CD99L2: variants seen among roughly 807,000 people sequenced by gnomAD.
CD99L2 encodes the protein CD99 molecule like 2.
A neutral mutation model predicts 27.3 loss-of-function variants in CD99L2; 24 were observed. The ratio of observed to expected loss-of-function variants is 0.88; its 90% CI spans 0.64 to 1.24. The LOEUF is 1.24. CD99L2 is among the 50% of genes most tolerant of loss of function. The probability of loss-of-function intolerance (pLI) is 0.00; values close to 1 mark genes in which losing one functional copy is unlikely to be tolerated. For missense variants in CD99L2, 255 were observed against 221.6 expected, an observed-to-expected ratio of 1.15 and a Z score of -0.96; for synonymous variants, 97 against 87.9, an observed-to-expected ratio of 1.10 and a Z score of -0.58.
intron 9 of CD99L2, among the ~76,000 whole-genome samples, chrX:150,770,779 G>A (rs1462012634): frequency 8.9e-6 from 1 of 112,533 alleles, no homozygotes; most frequent in Non-Finnish European, 1.9e-5. Context: ...GATGGATGCA[G>A]GGCAGGGAGG....
intron 4 of CD99L2, among the ~76,000 whole-genome samples, chrX:150,809,516 G>C (rs781999401): frequency 8.9e-6 from 1 of 112,398 alleles, no homozygotes; most frequent in Non-Finnish European, 1.9e-5. Context: ...TCAACCATGA[G>C]ACTGGTGGTG....
chrX:150,769,145 G>A (rs114883974), intron 10 of CD99L2, 44 bp from the exon 11 acceptor site: 37,746 of 1,134,429 alleles, frequency 0.033, 507 homozygotes, highest in Non-Finnish European at 0.038. Flanking sequence ...GCTCTGTCTT[G>A]CACAGAAGAA....
intron 9 of CD99L2, among the ~76,000 whole-genome samples, chrX:150,772,750 C>T: frequency 9.0e-6 from 1 of 111,710 alleles, no homozygotes; most frequent in Admixed American, 9.4e-5. Flanking sequence ...GGAGGTGTGG[C>T]TCAAGAGGAG....
intron 4 of CD99L2, among the ~76,000 whole-genome samples, chrX:150,810,111 G>A (rs1395946570): frequency 9.0e-5 from 10 of 111,679 alleles, no homozygotes; most frequent in Non-Finnish European, 1.5e-4. Context: ...TATCGAAATC[G>A]AAGTGACATA....
In CD99L2 at chrX:150,794,158, T is replaced by C. The variant is rs782218940; in HGVS notation, c.431-402A>G. Reference sequence around the variant, plus strand: ...TTCAGGCCTTCTCTGAGCTCAGACATGAGAAGCAACAGAGTCGGTCGGTCT... The same window carrying C: ...TTCAGGCCTTCTCTGAGCTCAGACACGAGAAGCAACAGAGTCGGTCGGTCT... On this transcript the variant is annotated intron_variant, in intron 6 of 10. Transcript: ENST00000370377. 9.8e-5 allele frequency among the ~76,000 whole-genome samples: 11 copies of C among 111,977 alleles called. No homozygotes were observed. The East Asian group carries it at 2.2e-3, about 23-fold the overall frequency.
At chrX:150,824,079 GGAA>G (rs1203379122) in intron 2 of CD99L2, among the ~76,000 whole-genome samples, 4 of 83,232 alleles carry the variant, frequency 4.8e-5, no homozygotes, top group Admixed American at 1.4e-4. Flanking sequence ...AGGAGGAAGA[GGAA>G]GAAGAAGAAA....
At chrX:150,803,477 A>T (rs2045950250) in intron 4 of CD99L2, among the ~76,000 whole-genome samples, 1 of 112,049 alleles carries the variant, frequency 8.9e-6, no homozygotes, top group South Asian at 3.7e-4. Flanking sequence ...GAAGAACCTT[A>T]AAAGAACTTG....
intron 7 of CD99L2, among the ~76,000 whole-genome samples, chrX:150,789,769 C>T (rs2045658408): frequency 9.0e-6 from 1 of 111,684 alleles, no homozygotes; most frequent in Non-Finnish European, 1.9e-5. Flanking sequence ...TCTATGGTCC[C>T]AGATACTCAG....
At chrX:150,889,704 A>G (rs782684770) in intron 1 of CD99L2, among the ~76,000 whole-genome samples, 6 of 112,554 alleles carry the variant, frequency 5.3e-5, no homozygotes, top group Non-Finnish European at 1.1e-4. Context: ...CAACTACAGC[A>G]GTTTTCAAAG....
At position 150,802,700 on chromosome X, in the gene CD99L2, G is replaced by C. The variant is rs1382642341; in HGVS notation, c.278-7214C>G. ...AGGTTCACGCCATTCTCCTGCCTCAGCCTCCTGAGTCGCTGGGACTACAGG... is the reference window on the plus strand; with the variant it reads ...AGGTTCACGCCATTCTCCTGCCTCACCCTCCTGAGTCGCTGGGACTACAGG... On this transcript the variant is annotated intron_variant, in intron 4 of 10. Transcript: ENST00000370377. Among the ~76,000 whole-genome samples, 3 of 100,626 alleles carry C rather than the reference G, an allele frequency of 3.0e-5. No homozygotes were observed. The Admixed American group carries it at 3.2e-4, about 11-fold the overall frequency. The allele number at this position is 100,626 out of a possible 115,157, so 87.4% of individuals were successfully genotyped here.
intron 6 of CD99L2, among the ~76,000 whole-genome samples, chrX:150,794,458 G>C (rs1557419829): frequency 1.8e-5 from 2 of 112,212 alleles, no homozygotes; most frequent in East Asian, 5.6e-4. Flanking sequence ...TTAACTCAGA[G>C]TTTCTGATTT....
In CD99L2 at chrX:150,832,059, G is replaced by A. The variant is rs1459887187; in HGVS notation, c.68-766C>T. On this transcript the variant is annotated intron_variant, in intron 1 of 10. Transcript: ENST00000370377. ...CACTTTAGACCAAATGAACCTAACA[G>A]ATATTTACAGAACATTCCAACCAAC... is the stretch of plus-strand genomic sequence containing the variant. 2.7e-5 allele frequency among the ~76,000 whole-genome samples: 3 copies of A among 112,136 alleles called. No homozygotes were observed. The Admixed American group carries it at 2.8e-4, about 11-fold the overall frequency.
chrX:150,792,130 C>T (rs782445379), intron 7 of CD99L2, among the ~76,000 whole-genome samples: 44 of 111,389 alleles, frequency 4.0e-4, no homozygotes, highest in African/African-American at 1.4e-3. Flanking sequence ...CCACGACCCC[C>T]TTTATCTTCT....
intron 1 of CD99L2, among the ~76,000 whole-genome samples, chrX:150,856,395 T>G (rs782331031): frequency 8.9e-6 from 1 of 111,914 alleles, no homozygotes; most frequent in Non-Finnish European, 1.9e-5. Flanking sequence ...ACATGCCGAC[T>G]GGGCACTCAG....
At chrX:150,769,868 AG>A (rs1163819363) in intron 10 of CD99L2, among the ~76,000 whole-genome samples, 1 of 112,824 alleles carries the variant, frequency 8.9e-6, no homozygotes, top group Admixed American at 9.3e-5. Flanking sequence ...CAGAAGGGGG[AG>A]GGAGGGGCAC....
At chrX:150,778,159 CAG>C (rs1306192291) in intron 7 of CD99L2, among the ~76,000 whole-genome samples, 2 of 110,242 alleles carry the variant, frequency 1.8e-5, no homozygotes, top group South Asian at 3.9e-4. Flanking sequence ...GATAGTACTG[CAG>C]AGAGTTAAAT....
At chrX:150,898,401 G>T in intron 1 of CD99L2, 121 bp downstream of exon 1, 1 of 506,797 alleles carries the variant, frequency 2.0e-6, no homozygotes, top group Non-Finnish European at 2.7e-6. Context: ...CAGCCGGGCC[G>T]GCCGGTGGCA....
At chrX:150,806,909 C>T (rs1297848637) in intron 4 of CD99L2, among the ~76,000 whole-genome samples, 1 of 110,594 alleles carries the variant, frequency 9.0e-6, no homozygotes, top group Non-Finnish European at 1.9e-5. Flanking sequence ...AAAATGACAC[C>T]GGATAAGAAC....
rs782650865 is a variant in CD99L2 at position 150,790,175 on chromosome X, C to T, written c.496+3516G>A. Among the ~76,000 whole-genome samples the T allele has an allele frequency of 2.0e-3, 225 of 109,930 alleles. 1 individual carries two copies. Among genetic ancestry groups the T allele is most frequent in the African/African-American group, 6.8e-3 (206 of 30,228 alleles). The stretch of plus-strand genomic sequence containing the variant: ...AGAGAAGTAAACAAATCAGTGGTTG[C>T]GCTAATAGAAACTAGACTAGGGTTG... On this transcript the variant is annotated intron_variant, in intron 7 of 10. Coordinates refer to ENST00000370377, the MANE Select transcript of CD99L2 (RefSeq NM_031462.4).
Sources: allele counts gnomAD v4.1 joint callset (sites outside exome capture counted in the v4.1 genomes callset), GRCh38; gene constraint gnomAD v4.1.1; transcripts MANE v1.5; gene names NCBI Gene and HGNC (gene_info 2026-07-23, HGNC 2026-07-21).